Variants in TRIM24 observed in about 807,000 individuals in gnomAD.
TRIM24 encodes tripartite motif containing 24.
In TRIM24, 29 loss-of-function variants were observed where a neutral mutation model predicts 123.9. The ratio of observed to expected loss-of-function variants is 0.23; its 90% CI spans 0.17 to 0.32. The LOEUF (loss-of-function observed/expected upper bound fraction) is 0.32. Among genes scored for constraint, TRIM24 ranks in the 10% least tolerant of loss-of-function variants. The pLI is 1.00. For synonymous variants in TRIM24, 456 were observed against 461.1 expected (o/e 0.99, Z 0.14); for missense variants, 932 against 1,295.3 (o/e 0.72, Z 4.31).
At chr7:138,544,673 T>G (rs1797066947) in intron 7 of TRIM24, among the ~76,000 whole-genome samples, 1 of 152,204 alleles carries the variant, frequency 6.6e-6, no homozygotes, top group Non-Finnish European at 1.5e-5. Context: ...TGGCCAACAC[T>G]TGTCTTCCTT....
chr7:138,463,043 GTTTTTT>G (rs57719141), intron 1 of TRIM24, among the ~76,000 whole-genome samples: 25 of 60,134 alleles, frequency 4.2e-4, no homozygotes, highest in Admixed American at 2.0e-3. Flanking sequence ...CTAATTTTGT[GTTTTTT>G]TTTTTTTTTT....
At position 138,589,202 on chromosome 7, in the gene TRIM24, A is replaced by G. The variant is rs568032415; in HGVS notation, c.*4251A>G. 6 of 152,300 alleles carry G rather than the reference A, an allele frequency of 3.9e-5. No homozygotes were observed. The East Asian group carries it at 1.2e-3, about 29-fold the overall frequency. 9.4% of individuals were successfully genotyped at this position (152,300 alleles called of 1,614,324 possible). A position where few individuals can be genotyped will look rare whatever the true frequency, so the allele number is the denominator to read the frequency against. On this transcript the variant is annotated 3_prime_UTR_variant, in exon 19 of 19. Transcript: ENST00000343526. Reference sequence around the variant, plus strand: ...GTGAATTTACTGTTGTAATTCACATACTGGTGTCATGTTTCTGAGTGAGAA... The same window carrying G: ...GTGAATTTACTGTTGTAATTCACATGCTGGTGTCATGTTTCTGAGTGAGAA...
intron 1 of TRIM24, among the ~76,000 whole-genome samples, chr7:138,487,248 T>C (rs1385839660): frequency 1.3e-5 from 2 of 152,200 alleles, no homozygotes; most frequent in Non-Finnish European, 2.9e-5. Flanking sequence ...ACTGAGACAA[T>C]GGGGTTTTCT....
At chr7:138,567,774 T>G in intron 10 of TRIM24, 120 bp downstream of exon 10, 8 of 1,076,772 alleles carry the variant, frequency 7.4e-6, no homozygotes, top group Non-Finnish European at 9.9e-6. Flanking sequence ...TCTTTTTCAT[T>G]TTTTAAATAA....
Position 138,494,977 on chromosome 7 carries a change from G to A in TRIM24, c.365-9313G>A, listed in dbSNP as rs529415579. On this transcript the variant is annotated intron_variant, in intron 1 of 18. Transcript: ENST00000343526. ...CCATGTGAGGAAAAAAAGAATGCAGGTAGATCTGTATTCACTGTTATGGAG... is the reference window on the plus strand; with the variant it reads ...CCATGTGAGGAAAAAAAGAATGCAGATAGATCTGTATTCACTGTTATGGAG... Among the ~76,000 whole-genome samples the A allele has an allele frequency of 2.6e-5, 4 of 152,270 alleles. No homozygotes were observed. The South Asian group carries it at 8.3e-4, about 32-fold the overall frequency.
rs1554447159 is a variant in TRIM24 at position 138,589,591 on chromosome 7, T to TTA, written c.*4640_*4641insTA. On this transcript the variant is annotated 3_prime_UTR_variant, in exon 19 of 19. Coordinates refer to ENST00000343526, the MANE Select transcript of TRIM24 (RefSeq NM_015905.3). The stretch of plus-strand genomic sequence containing the variant: ...TGTATTTCACCAGCCTTAAAAGATT[T>TTA]AAAAAAAAATCTGACAGGAAGGAAA... 1 of 151,442 alleles carries TTA rather than the reference T, an allele frequency of 6.6e-6. No individual in the cohort carries two copies. The highest frequency in any genetic ancestry group is 1.5e-5 in the Non-Finnish European group (1 of 67,856). The allele number at this position is 151,442 out of a possible 1,614,324, so 9.4% of individuals were successfully genotyped here.
intron 2 of TRIM24, among the ~76,000 whole-genome samples, chr7:138,510,955 A>C (rs1312344038): frequency 6.6e-6 from 1 of 152,168 alleles, no homozygotes; most frequent in Non-Finnish European, 1.5e-5. Context: ...CCAACCTCAT[A>C]GGTAACTATT....
intron 8 of TRIM24, among the ~76,000 whole-genome samples, chr7:138,552,025 TAC>T (rs564720544): frequency 2.6e-5 from 4 of 152,122 alleles, no homozygotes; most frequent in Non-Finnish European, 5.9e-5. Flanking sequence ...GACTTATAAA[TAC>T]AGTTTTTTTT....
intron 14 of TRIM24, among the ~76,000 whole-genome samples, chr7:138,578,532 TTGTGTGTGTGTG>T (rs142839380): frequency 8.5e-4 from 125 of 146,894 alleles, no homozygotes; most frequent in South Asian, 2.0e-3. Flanking sequence ...GGTGGTGGTT[TTGTGTGTGTGTG>T]TGTGTGTGTG....
intron 1 of TRIM24, among the ~76,000 whole-genome samples, chr7:138,498,849 G>C (rs1002891819): frequency 3.3e-5 from 5 of 152,016 alleles, no homozygotes; most frequent in African/African-American, 1.2e-4. Context: ...GACCAGGCTG[G>C]TCTTCAACTC....
intron 3 of TRIM24, among the ~76,000 whole-genome samples, chr7:138,515,640 T>A (rs1796378619): frequency 1.3e-5 from 2 of 152,204 alleles, no homozygotes; most frequent in Non-Finnish European, 2.9e-5. Context: ...TGCTTTTTCT[T>A]ATTTTTCTTT....
chr7:138,583,456 C>CA (rs1392980747), intron 17 of TRIM24, among the ~76,000 whole-genome samples: 1 of 152,028 alleles, frequency 6.6e-6, no homozygotes, highest in African/African-American at 2.4e-5. Context: ...CCCATCTCTA[C>CA]AAAAAATACA....
chr7:138,497,489 C>T (rs1795937389), intron 1 of TRIM24, among the ~76,000 whole-genome samples: 1 of 150,130 alleles, frequency 6.7e-6, no homozygotes, highest in Non-Finnish European at 1.5e-5. Flanking sequence ...CAGCCTCCAC[C>T]TCCTGGGTTC....
chr7:138,553,070 A>C (rs1797244288), intron 8 of TRIM24, among the ~76,000 whole-genome samples: 1 of 152,246 alleles, frequency 6.6e-6, no homozygotes. Flanking sequence ...AGATAAATCT[A>C]GTTTAGCCAA....
At chr7:138,518,852 A>C (rs1796451347) in intron 3 of TRIM24, among the ~76,000 whole-genome samples, 1 of 152,224 alleles carries the variant, frequency 6.6e-6, no homozygotes, top group Admixed American at 6.5e-5. Context: ...TTGGGATAGA[A>C]GACATCCAGG....
rs561562019 is a variant in TRIM24 at position 138,573,291 on chromosome 7, G to A, written c.1879-216G>A. Among the ~76,000 whole-genome samples the A allele has an allele frequency of 9.2e-5, 14 of 152,150 alleles. No homozygotes were observed. In the South Asian group the frequency reaches 1.0e-3, roughly 11 times the overall value. On this transcript the variant is annotated intron_variant, in intron 11 of 18. Coordinates refer to ENST00000343526, the MANE Select transcript of TRIM24 (RefSeq NM_015905.3). ...TTTTGACTCCTGTTTTTGAAATAGC[G>A]TCCTCAATATTTTACTAAGGTGAAA...
intron 2 of TRIM24, chr7:138,514,736 T>C (rs1478238917): frequency 6.6e-6 from 1 of 152,470 alleles, no homozygotes; most frequent in African/African-American, 2.4e-5. Context: ...ATTCTAATAA[T>C]GTACATCTGC....
chr7:138,501,533 C>T (rs1796039811), intron 1 of TRIM24, among the ~76,000 whole-genome samples: 2 of 151,968 alleles, frequency 1.3e-5, no homozygotes, highest in South Asian at 4.1e-4. Context: ...ACCCGGCCTT[C>T]AGCTTCATTA....
intron 7 of TRIM24, chr7:138,545,489 A>G (rs1252374924): frequency 4.4e-6 from 2 of 456,946 alleles, no homozygotes; most frequent in Non-Finnish European, 8.8e-6. Flanking sequence ...GTTTAGAAAG[A>G]AGTTAGGCTA....
Sources: gnomAD v4.1 joint callset for allele counts (sites outside exome capture counted in the v4.1 genomes callset) on GRCh38, gnomAD v4.1.1 for gene constraint, MANE v1.5 for transcripts, NCBI Gene and HGNC (gene_info 2026-07-23, HGNC 2026-07-21) for gene names.